Variants in ERC1 observed in about 807,000 individuals in gnomAD.
The protein encoded by ERC1 is RAB6 interacting protein 2.
ERC1 carries 56 observed loss-of-function variants against 132.0 expected under a neutral mutation model. The observed-to-expected ratio is 0.42, with a 90% confidence interval of 0.34 to 0.53. ERC1 has a LOEUF of 0.53. ERC1 is among the 20% of genes least tolerant of loss of function. The pLI is 0.03. For synonymous variants in ERC1, 478 were observed against 476.1 expected (o/e 1.00, Z -0.05); for missense variants, 1,202 against 1,349.9 (o/e 0.89, Z 1.72).
intron 16 of ERC1, among the ~76,000 whole-genome samples, chr12:1,383,223 C>G (rs1566731631): frequency 6.6e-6 from 1 of 152,180 alleles, no homozygotes; most frequent in Non-Finnish European, 1.5e-5. Context: ...TGCCCATACG[C>G]TGGTGCCCTC....
At chr12:1,304,666 C>G (rs1351443608) in intron 15 of ERC1, among the ~76,000 whole-genome samples, 2 of 150,578 alleles carry the variant, frequency 1.3e-5, no homozygotes, top group Non-Finnish European at 2.9e-5. Context: ...TCTGGAGAGT[C>G]TGATAATTGG....
chr12:1,372,056 C>T, intron 16 of ERC1, 79 bp downstream of exon 16: 1 of 1,496,768 alleles, frequency 6.7e-7, no homozygotes, highest in Non-Finnish European at 9.0e-7. Flanking sequence ...CCAGCTTGTA[C>T]TTTAAGGTCT....
chr12:1,438,952 A>ATATATATATATATATATATAT (rs1555093159), intron 17 of ERC1, among the ~76,000 whole-genome samples: 17 of 114,952 alleles, frequency 1.5e-4, no homozygotes, highest in African/African-American at 7.0e-4. Flanking sequence ...AATTTAAAAA[A>ATATATATATATATATATATAT]AAATATATAT....
Position 1,495,109 on chromosome 12 carries a change from G to A in ERC1, c.*4879G>A, listed in dbSNP as rs1046345083. 4.8e-5 allele frequency: 11 copies of A among 229,432 alleles called. No individual in the cohort carries two copies. The highest frequency in any genetic ancestry group is 1.3e-4 in the African/African-American group (6 of 45,088). 14.2% of individuals were successfully genotyped at this position (229,432 alleles called of 1,614,324 possible). A position where few individuals can be genotyped will look rare whatever the true frequency, so the allele number is the denominator to read the frequency against. ...GACCCCATAACCACCCTCACCCGAC[G>A]TGGGTTCTAGCTCAGTGTGCCTAAT... On this transcript the variant is annotated 3_prime_UTR_variant, in exon 19 of 19. Coordinates refer to ENST00000360905, the MANE Select transcript of ERC1 (RefSeq NM_178040.4).
chr12:1,485,977 A>T (rs1037106480), intron 18 of ERC1, among the ~76,000 whole-genome samples: 4 of 152,244 alleles, frequency 2.6e-5, no homozygotes, highest in African/African-American at 9.6e-5. Context: ...TATAAGCAAG[A>T]ATACAACCAT....
intron 15 of ERC1, among the ~76,000 whole-genome samples, chr12:1,335,730 C>T (rs192409535): frequency 5.3e-5 from 8 of 152,038 alleles, no homozygotes; most frequent in East Asian, 3.9e-4. Context: ...AGGATGATGC[C>T]GACCTCGTAG....
chr12:1,067,847 TA>T (rs1939507446), intron 2 of ERC1, among the ~76,000 whole-genome samples: 2 of 152,096 alleles, frequency 1.3e-5, no homozygotes, highest in African/African-American at 4.8e-5. Context: ...ATTTATATTG[TA>T]AAAAATATAT....
intron 4 of ERC1, among the ~76,000 whole-genome samples, chr12:1,107,800 T>C (rs758837600): frequency 6.6e-6 from 1 of 152,092 alleles, no homozygotes; most frequent in African/African-American, 2.4e-5. Context: ...ACTGGGAGAA[T>C]GTCAACCCTT....
At chr12:1,460,948 TGAG>T (rs1413549592) in intron 18 of ERC1, among the ~76,000 whole-genome samples, 1 of 136,844 alleles carries the variant, frequency 7.3e-6, no homozygotes, top group Non-Finnish European at 1.5e-5. Flanking sequence ...GCCTAAACGA[TGAG>T]GAGGCCCTTT....
intron 13 of ERC1, among the ~76,000 whole-genome samples, chr12:1,243,131 G>T (rs971537620): frequency 6.9e-6 from 1 of 145,442 alleles, no homozygotes; most frequent in African/African-American, 2.5e-5. Context: ...AGCTTGCAGT[G>T]AGCTGAGATT....
intron 15 of ERC1, among the ~76,000 whole-genome samples, chr12:1,350,329 G>C (rs1336134520): frequency 6.6e-6 from 1 of 152,188 alleles, no homozygotes; most frequent in Non-Finnish European, 1.5e-5. Flanking sequence ...GTTGTTCCAA[G>C]GCTGTCCAGG....
Position 1,155,083 on chromosome 12 carries a change from C to T in ERC1, c.1737+13296C>T, listed in dbSNP as rs374270552. Among the ~76,000 whole-genome samples the T allele has an allele frequency of 1.6e-4, 25 of 152,146 alleles. No individual in the cohort carries two copies. The East Asian group carries it at 2.1e-3, about 13-fold the overall frequency. ...CTGTAGTCCCAGCACTTAGGGAGGCCGAGGCAGATGGATCACCTGTGGTCA... is the reference window on the plus strand; with the variant it reads ...CTGTAGTCCCAGCACTTAGGGAGGCTGAGGCAGATGGATCACCTGTGGTCA... On this transcript the variant is annotated intron_variant, in intron 8 of 18. Coordinates refer to ENST00000360905, the MANE Select transcript of ERC1 (RefSeq NM_178040.4).
chr12:1,495,791 T>C lies in ERC1; in HGVS notation c.*5561T>C, dbSNP rs1021987186. 1.4e-5 allele frequency: 3 copies of C among 219,218 alleles called. No homozygotes were observed. The highest frequency in any genetic ancestry group is 6.7e-5 in the African/African-American group (3 of 44,512). The allele number at this position is 219,218 out of a possible 1,614,324, so 13.6% of individuals were successfully genotyped here. A position where few individuals can be genotyped will look rare whatever the true frequency, so the allele number is the denominator to read the frequency against. On this transcript the variant is annotated 3_prime_UTR_variant, in exon 19 of 19. Coordinates refer to ENST00000360905, the MANE Select transcript of ERC1 (RefSeq NM_178040.4). ...TGTGTGTGTTCCTGCTGGAGTTGTGTTACTGACAGGATAATGACATTACAA... is the reference window on the plus strand; with the variant it reads ...TGTGTGTGTTCCTGCTGGAGTTGTGCTACTGACAGGATAATGACATTACAA...
chr12:1,438,954 A>AAAATATATATATATATATATATAT (rs1015181197), intron 17 of ERC1, among the ~76,000 whole-genome samples: 13 of 143,474 alleles, frequency 9.1e-5, no homozygotes, highest in African/African-American at 3.4e-4. Context: ...TTTAAAAAAA[A>AAAATATATATATATATATATATAT]ATATATATAT....
At chr12:1,289,134 A>T (rs1594791373) in intron 14 of ERC1, among the ~76,000 whole-genome samples, 1 of 128,890 alleles carries the variant, frequency 7.8e-6, no homozygotes. Flanking sequence ...CACACACATA[A>T]CTATATAGGT....
intron 15 of ERC1, among the ~76,000 whole-genome samples, chr12:1,303,176 T>TTCGGG (rs1220232760): frequency 2.0e-5 from 3 of 152,120 alleles, no homozygotes; most frequent in African/African-American, 7.2e-5. Context: ...TTGCTGAAGG[T>TTCGGG]TCGGGTAGCT....
At chr12:1,200,563 C>G (rs1486860127) in intron 12 of ERC1, among the ~76,000 whole-genome samples, 1 of 147,440 alleles carries the variant, frequency 6.8e-6, no homozygotes, top group Non-Finnish European at 1.5e-5. Flanking sequence ...ATTTCCTTTT[C>G]TTTTTTTTTT....
At chr12:1,009,777 A>C (rs948142925) in intron 1 of ERC1, among the ~76,000 whole-genome samples, 6 of 152,180 alleles carry the variant, frequency 3.9e-5, no homozygotes, top group Non-Finnish European at 5.9e-5. Flanking sequence ...TTATCTTAAA[A>C]TATTAATATT....
At chr12:1,070,597 C>T (rs1052779623) in intron 2 of ERC1, among the ~76,000 whole-genome samples, 2 of 152,138 alleles carry the variant, frequency 1.3e-5, no homozygotes, top group African/African-American at 4.8e-5. Flanking sequence ...ACTCTTCCTT[C>T]TTCTAATCCA....
Sources: gnomAD v4.1 joint callset for allele counts (sites outside exome capture counted in the v4.1 genomes callset) on GRCh38, gnomAD v4.1.1 for gene constraint, MANE v1.5 for transcripts, NCBI Gene and HGNC (gene_info 2026-07-23, HGNC 2026-07-21) for gene names.